The following PTPN14 variants were observed in gnomAD, a reference collection of about 807,000 sequenced individuals.
PTPN14 encodes protein tyrosine phosphatase non-receptor type 14, also known as tyrosine-protein phosphatase non-receptor type 14.
PTPN14 carries 53 observed loss-of-function variants against 126.8 expected under a neutral mutation model. The observed-to-expected ratio is 0.42, with a 90% CI of 0.34 to 0.53. PTPN14 has a LOEUF of 0.53. Among genes scored for constraint, PTPN14 ranks in the 20% least tolerant of loss-of-function variants. PTPN14 has a pLI of 0.08. For missense variants in PTPN14, 1,257 were observed against 1,552.9 expected, an observed-to-expected ratio of 0.81 and a Z score of 3.20; for synonymous variants, 630 against 599.3, an observed-to-expected ratio of 1.05 and a Z score of -0.75.
chr1:214,360,232 C>T (rs1014157776), intron 18 of PTPN14, among the ~76,000 whole-genome samples: 27 of 152,132 alleles, frequency 1.8e-4, no homozygotes, highest in African/African-American at 9.7e-5. Flanking sequence ...ATTTCCAAGC[C>T]GTGTATAGGT....
chr1:214,496,969 A>G (rs931570933), intron 1 of PTPN14, among the ~76,000 whole-genome samples: 5 of 152,186 alleles, frequency 3.3e-5, no homozygotes, highest in African/African-American at 1.2e-4. Flanking sequence ...ACATTTTTAA[A>G]TTGGAGGGTC....
intron 8 of PTPN14, 115 bp from the exon 9 acceptor site, chr1:214,395,101 A>AT (rs1658847978): frequency 1.1e-6 from 1 of 894,916 alleles, no homozygotes; most frequent in African/African-American, 1.7e-5. Flanking sequence ...TGATTTAACT[A>AT]TTTTTTAAGT....
At chr1:214,398,134 G>T (rs1658929987) in intron 7 of PTPN14, 133 bp from the exon 8 acceptor site, 5 of 648,412 alleles carry the variant, frequency 7.7e-6, no homozygotes, top group Non-Finnish European at 1.3e-5. Flanking sequence ...GTACATGTGT[G>T]TACAAGGGAG....
chr1:214,484,600 C>G (rs767350062), intron 1 of PTPN14, among the ~76,000 whole-genome samples: 26 of 152,286 alleles, frequency 1.7e-4, no homozygotes, highest in Admixed American at 1.3e-4. Context: ...ACCCCCCCAA[C>G]ACAACATATA....
chr1:214,531,563 T>C (rs1400466976), intron 1 of PTPN14: 1 of 142,548 alleles, frequency 7.0e-6, no homozygotes, highest in Non-Finnish European at 1.5e-5. Context: ...ATTCTGCCAA[T>C]GGACTCTGAA....
At chr1:214,539,234 A>G (rs941014742) in intron 1 of PTPN14, among the ~76,000 whole-genome samples, 2 of 152,310 alleles carry the variant, frequency 1.3e-5, no homozygotes, top group African/African-American at 4.8e-5. Context: ...TCCATTTACT[A>G]TTAGTGCCCT....
intron 1 of PTPN14, among the ~76,000 whole-genome samples, chr1:214,504,640 C>T (rs1300057081): frequency 6.6e-6 from 1 of 152,132 alleles, no homozygotes; most frequent in African/African-American, 2.4e-5. Flanking sequence ...GACACTTCCA[C>T]CAAATTAAAT....
chr1:214,520,215 C>T (rs188702101), intron 1 of PTPN14, among the ~76,000 whole-genome samples: 57 of 151,852 alleles, frequency 3.8e-4, no homozygotes, highest in African/African-American at 1.3e-3. Flanking sequence ...ATGTGGCAGG[C>T]TTTCTTGAGG....
chr1:214,471,656 A>G (rs895455231), intron 1 of PTPN14, among the ~76,000 whole-genome samples: 1 of 152,204 alleles, frequency 6.6e-6, no homozygotes, highest in Non-Finnish European at 1.5e-5. Context: ...GGCAAAGCAT[A>G]GAGTTTAACA....
intron 1 of PTPN14, chr1:214,531,445 A>G (rs1005899731): frequency 4.0e-5 from 6 of 151,484 alleles, no homozygotes; most frequent in African/African-American, 1.5e-4. Flanking sequence ...GCACTCCAAT[A>G]GTAGTTTCAA....
intron 1 of PTPN14, among the ~76,000 whole-genome samples, chr1:214,468,239 C>T (rs1660683222): frequency 6.6e-6 from 1 of 152,204 alleles, no homozygotes; most frequent in African/African-American, 2.4e-5. Context: ...CTGTAACTTG[C>T]TTTCCAATGG....
chr1:214,353,170 G>A lies in PTPN14; in HGVS notation c.*4752C>T, dbSNP rs909535163. 1.3e-5 allele frequency: 2 copies of A among 152,132 alleles called. No homozygotes were observed. The highest frequency in any genetic ancestry group is 2.9e-5 in the Non-Finnish European group (2 of 68,024). The allele number at this position is 152,132 out of a possible 1,614,324, so 9.4% of individuals were successfully genotyped here. ...AACGAAATAGTTGTCCTTTACCAAA[G>A]GGGGCAATCAAGGACCCTCTGAGAA... On this transcript the variant is annotated 3_prime_UTR_variant, in exon 19 of 19. Coordinates refer to ENST00000366956, the MANE Select transcript of PTPN14 (RefSeq NM_005401.5).
At chr1:214,493,364 G>T (rs1452676472) in intron 1 of PTPN14, among the ~76,000 whole-genome samples, 1 of 152,150 alleles carries the variant, frequency 6.6e-6, no homozygotes, top group Non-Finnish European at 1.5e-5. Context: ...CACGGTGGTT[G>T]TACTAATTTA....
chr1:214,414,575 A>G, intron 4 of PTPN14, 54 bp downstream of exon 4: 1 of 1,490,394 alleles, frequency 6.7e-7, no homozygotes, highest in South Asian at 1.1e-5. Flanking sequence ...GGCCAGCAAC[A>G]CCATGATCAA....
At position 214,348,988 on chromosome 1, in the gene PTPN14, CA is replaced by C. The variant is rs1377976448; in HGVS notation, c.*8933del. ...TGATATAAAATAGCACATAGAATAGCATGCATAGTTTTATTTTAGGCTTTTC... is the reference window on the plus strand; with the variant it reads ...TGATATAAAATAGCACATAGAATAGCTGCATAGTTTTATTTTAGGCTTTTC... On this transcript the variant is annotated 3_prime_UTR_variant, in exon 19 of 19. Coordinates refer to ENST00000366956, the MANE Select transcript of PTPN14 (RefSeq NM_005401.5). 6.6e-6 allele frequency: 1 copy of C among 152,154 alleles called. No individual in the cohort carries two copies. Among genetic ancestry groups the C allele is most frequent in the African/African-American group, 2.4e-5 (1 of 41,426 alleles). 9.4% of individuals were successfully genotyped at this position (152,154 alleles called of 1,614,324 possible).
In PTPN14 at chr1:214,532,457, C is replaced by T. The variant is rs138626883; in HGVS notation, c.-155+18726G>A. The stretch of plus-strand genomic sequence containing the variant: ...TGCAAAGCCTGAAAGACCACCTGGC[C>T]TCCTACCTGGACAGACTGAGGAGCC... On this transcript the variant is annotated intron_variant, in intron 1 of 18. Transcript: ENST00000366956. The T allele has an allele frequency of 5.7e-4, 466 of 822,012 alleles. 16 individuals are homozygous for T. The East Asian group carries it at 6.2e-3, about 11-fold the overall frequency. 50.9% of individuals were successfully genotyped at this position (822,012 alleles called of 1,614,324 possible).
chr1:214,457,417 G>C (rs1375156471), intron 2 of PTPN14, among the ~76,000 whole-genome samples: 1 of 152,140 alleles, frequency 6.6e-6, no homozygotes, highest in African/African-American at 2.4e-5. Flanking sequence ...CCAGAGCGCT[G>C]GATTTCCTCA....
chr1:214,446,114 A>C (rs1183653788), intron 3 of PTPN14, among the ~76,000 whole-genome samples: 1 of 152,202 alleles, frequency 6.6e-6, no homozygotes, highest in African/African-American at 2.4e-5. Context: ...CCCCAAGGTA[A>C]TAAATCTTAC....
chr1:214,421,816 C>A (rs1659550882), intron 3 of PTPN14, among the ~76,000 whole-genome samples: 1 of 152,252 alleles, frequency 6.6e-6, no homozygotes, highest in South Asian at 2.1e-4. Context: ...ACCACCCTTG[C>A]CTATCCTCCA....
Sources: allele counts gnomAD v4.1 joint callset (sites outside exome capture counted in the v4.1 genomes callset), GRCh38; gene constraint gnomAD v4.1.1; transcripts MANE v1.5; gene names NCBI Gene and HGNC (gene_info 2026-07-23, HGNC 2026-07-21).